Variants in POLL observed in about 807,000 individuals in gnomAD.
POLL encodes DNA polymerase beta-2.
POLL carries 44 observed loss-of-function variants against 58.1 expected under a neutral mutation model. That is an observed-to-expected ratio of 0.76 (90% confidence interval 0.60 to 0.97). The LOEUF is 0.97. POLL is among the 50% of genes least tolerant of loss of function. The pLI, the probability that POLL is intolerant of heterozygous loss-of-function variation, is 0.00. For missense variants in POLL, 632 were observed against 736.8 expected (o/e 0.86, Z 1.65); for synonymous variants, 290 against 283.2 (o/e 1.02, Z -0.24).
At position 101,579,267 on chromosome 10, in the gene POLL, G is replaced by C; in HGVS notation, c.*186C>G. The C allele has an allele frequency of 1.5e-6, 1 of 651,276 alleles. No individual in the cohort carries two copies. The allele number at this position is 651,276 out of a possible 1,614,324, so 40.3% of individuals were successfully genotyped here. A position where few individuals can be genotyped will look rare whatever the true frequency, so the allele number is the denominator to read the frequency against. ...TCTGGGAGAGGGCTGGGCAGACACT[G>C]GGAGCCGGGCAGACACTGGGAGCCG... On this transcript the variant is annotated 3_prime_UTR_variant, in exon 9 of 9. Coordinates refer to ENST00000370162, the MANE Select transcript of POLL (RefSeq NM_001174084.2). The surrounding 1 kb of genome is among the most constrained non-coding windows in gnomAD (Gnocchi z 4.4).
intron 1 of POLL, 74 bp from the exon 2 acceptor site, chr10:101,587,480 T>G (rs1360329214): frequency 1.3e-6 from 2 of 1,518,608 alleles, no homozygotes; most frequent in Non-Finnish European, 1.8e-6. Context: ...CTGACCAGGC[T>G]TTGGGGGTAG....
chr10:101,582,507 T>C (rs2134604751), intron 7 of POLL, among the ~76,000 whole-genome samples: 1 of 152,310 alleles, frequency 6.6e-6, no homozygotes, highest in East Asian at 1.9e-4. Flanking sequence ...TAGAATTGAA[T>C]CCAATCCTAA....
Position 101,580,223 on chromosome 10 carries a change from G to C in POLL, c.1363+25C>G. On this transcript the variant is annotated intron_variant, in intron 8 of 8. Transcript: ENST00000370162. The surrounding 1 kb of genome is among the most constrained non-coding windows in gnomAD (Gnocchi z 4.1). ...GACCTGTGCTGCCCTCTGTCAACCT[G>C]CTCACCCAGAGATGGAGCTTATACC... 1 of 1,598,018 alleles carries C rather than the reference G, an allele frequency of 6.3e-7. No individual in the cohort carries two copies. Among genetic ancestry groups the C allele is most frequent in the Non-Finnish European group, 8.5e-7 (1 of 1,170,498 alleles).
chr10:101,585,256 C>G, intron 4 of POLL, 60 bp downstream of exon 4: 1 of 1,429,022 alleles, frequency 7.0e-7, no homozygotes, highest in Non-Finnish European at 9.4e-7. Flanking sequence ...CCAGGCCCAC[C>G]CCATTTCTGT....
chr10:101,582,365 G>C (rs2063046396), intron 7 of POLL: 1 of 170,220 alleles, frequency 5.9e-6, no homozygotes, highest in Admixed American at 5.6e-5. Context: ...TCTCAAAGAA[G>C]TTGGTGAAAT....
chr10:101,580,213 C>T lies in POLL; in HGVS notation c.1363+35G>A. On this transcript the variant is annotated intron_variant, in intron 8 of 8. Coordinates refer to ENST00000370162, the MANE Select transcript of POLL (RefSeq NM_001174084.2). This position sits in a 1 kb window ranked among gnomAD's most constrained non-coding sequence, Gnocchi z 4.1. ...GGGGCCCCCAGACCTGTGCTGCCCT[C>T]TGTCAACCTGCTCACCCAGAGATGG... 1 of 1,589,260 alleles carries T rather than the reference C, an allele frequency of 6.3e-7. No individual in the cohort carries two copies. Among genetic ancestry groups the T allele is most frequent in the Non-Finnish European group, 8.6e-7 (1 of 1,165,682 alleles).
rs1470358937 is a variant in POLL at position 101,579,831 on chromosome 10, G to T, written c.1364-14C>A. On this transcript the variant is annotated splice_polypyrimidine_tract_variant and intron_variant, in intron 8 of 8. Coordinates refer to ENST00000370162, the MANE Select transcript of POLL (RefSeq NM_001174084.2). This position sits in a 1 kb window ranked among gnomAD's most constrained non-coding sequence, Gnocchi z 4.4. ...CTGTGAGGAACCCTGGCCCAACAGAGGGGACTGCTGGGAGGGCAGGGAACC... is the reference window on the plus strand; with the variant it reads ...CTGTGAGGAACCCTGGCCCAACAGATGGGACTGCTGGGAGGGCAGGGAACC... 1.8e-5 allele frequency: 29 copies of T among 1,603,988 alleles called. No individual in the cohort carries two copies. Among genetic ancestry groups the T allele is most frequent in the Non-Finnish European group, 2.5e-5 (29 of 1,174,560 alleles).
chr10:101,586,786 C>T lies in POLL; in HGVS notation c.115+460G>A, dbSNP rs576285084. 1.2e-4 allele frequency among the ~76,000 whole-genome samples: 18 copies of T among 152,314 alleles called. No homozygotes were observed. The South Asian group carries it at 1.7e-3, about 14-fold the overall frequency. On this transcript the variant is annotated intron_variant, in intron 2 of 8. Transcript: ENST00000370162. ...CTGAGATTACAGGCAAGAGCCACCG[C>T]GCCCAGCCTCTCTCCATACTTTGAA...
Position 101,587,991 on chromosome 10 carries a change from C to A in POLL, c.-216G>T. On this transcript the variant is annotated 5_prime_UTR_variant, in exon 1 of 9. Coordinates refer to ENST00000370162, the MANE Select transcript of POLL (RefSeq NM_001174084.2). ...GGGAGCCCTCCGGGAATGGAGGAGT[C>A]TCGCAGCTGCGGGTGAAGTCCCGGG... is the stretch of plus-strand genomic sequence containing the variant. 7.6e-7 allele frequency: 1 copy of A among 1,309,898 alleles called. No homozygotes were observed. Among genetic ancestry groups the A allele is most frequent in the Non-Finnish European group, 1.0e-6 (1 of 1,003,962 alleles). 81.1% of individuals were successfully genotyped at this position (1,309,898 alleles called of 1,614,324 possible). A position where few individuals can be genotyped will look rare whatever the true frequency, so the allele number is the denominator to read the frequency against.
At chr10:101,587,444 CT>C (rs1188121224) in intron 1 of POLL, 38 bp from the exon 2 acceptor site, 1 of 1,560,648 alleles carries the variant, frequency 6.4e-7, no homozygotes, top group Admixed American at 1.7e-5. Flanking sequence ...CCTCCAACCC[CT>C]TTGCCTATGG....
Position 101,583,731 on chromosome 10 carries a change from A to G in POLL, c.892-50T>C, listed in dbSNP as rs1172583209. On this transcript the variant is annotated intron_variant, in intron 5 of 8. Coordinates refer to ENST00000370162, the MANE Select transcript of POLL (RefSeq NM_001174084.2). ...AGAAAGAAGAGTGAGGAGATGGAAG[A>G]GGTAGAGCCAGTGGAAAGGAAGCTG... 3.2e-6 allele frequency: 5 copies of G among 1,550,602 alleles called. No homozygotes were observed. In the African/African-American group the frequency reaches 6.8e-5, roughly 21 times the overall value.
rs1462315373 is a variant in POLL, at chr10:101,583,308, A to G, written c.1065+200T>C. 5 of 608,390 alleles carry G rather than the reference A, an allele frequency of 8.2e-6. No homozygotes were observed. The Admixed American group carries it at 1.5e-4, about 18-fold the overall frequency. 37.7% of individuals were successfully genotyped at this position (608,390 alleles called of 1,614,324 possible). On this transcript the variant is annotated intron_variant, in intron 6 of 8. Coordinates refer to ENST00000370162, the MANE Select transcript of POLL (RefSeq NM_001174084.2). ...TCTTGTCCCTGTCTACTCCTTCTTA[A>G]GGATACCAAGCAACAAGGCTGTTCT... is the stretch of plus-strand genomic sequence containing the variant.
chr10:101,582,650 C>T, intron 7 of POLL, 113 bp downstream of exon 7: 2 of 1,106,254 alleles, frequency 1.8e-6, no homozygotes, highest in Non-Finnish European at 2.7e-6. Flanking sequence ...TGGTGATCCA[C>T]AGTTTCCTCT....
At chr10:101,581,530 A>G (rs2062987481) in intron 7 of POLL, 1 of 152,248 alleles carries the variant, frequency 6.6e-6, no homozygotes, top group East Asian at 1.9e-4. Flanking sequence ...AAACTAGGCC[A>G]GTCTCCATGG....
chr10:101,580,490 C>T lies in POLL; in HGVS notation c.1195-74G>A, dbSNP rs2062926955. 1.3e-5 allele frequency: 18 copies of T among 1,383,542 alleles called. No homozygotes were observed. The highest frequency in any genetic ancestry group is 1.8e-5 in the Non-Finnish European group (18 of 994,790). The allele number at this position is 1,383,542 out of a possible 1,614,324, so 85.7% of individuals were successfully genotyped here. ...TCTCCCACAGCAGTACAAGGGCCTT[C>T]CCAGACTCGGGCCCACACCCTCAGC... On this transcript the variant is annotated intron_variant, in intron 7 of 8. Coordinates refer to ENST00000370162, the MANE Select transcript of POLL (RefSeq NM_001174084.2). This position sits in a 1 kb window ranked among gnomAD's most constrained non-coding sequence, Gnocchi z 4.1.
Position 101,587,994 on chromosome 10 carries a change from G to A in POLL, c.-219C>T, listed in dbSNP as rs562381845. The A allele has an allele frequency of 6.7e-5, 88 of 1,313,404 alleles. No homozygotes were observed. Among genetic ancestry groups the A allele is most frequent in the Non-Finnish European group, 8.5e-5 (86 of 1,006,052 alleles). The allele number at this position is 1,313,404 out of a possible 1,614,324, so 81.4% of individuals were successfully genotyped here. A position where few individuals can be genotyped will look rare whatever the true frequency, so the allele number is the denominator to read the frequency against. ...AGCCCTCCGGGAATGGAGGAGTCTC[G>A]CAGCTGCGGGTGAAGTCCCGGGCAG... On this transcript the variant is annotated 5_prime_UTR_variant, in exon 1 of 9. Transcript: ENST00000370162.
At chr10:101,582,489 A>G (rs1054946283) in intron 7 of POLL, among the ~76,000 whole-genome samples, 7 of 152,194 alleles carry the variant, frequency 4.6e-5, no homozygotes, top group Admixed American at 3.3e-4. Flanking sequence ...TCCTAACACC[A>G]ATCAGTCTAG....
chr10:101,582,842 T>G lies in POLL; in HGVS notation c.1115A>C (p.Gln372Pro), dbSNP rs1289289154. The part of the protein sequence containing the change: ...DIRSQASLTT[Q>P]QAIGLKHYSD... Reference sequence around the variant, plus strand: ...GTAATGCTTCAGGCCGATGGCCTGCTGGGTTGTCAGGGAGGCCTGGCTGCG... The same window carrying G: ...GTAATGCTTCAGGCCGATGGCCTGCGGGGTTGTCAGGGAGGCCTGGCTGCG... The change falls in exon 7 of 9, where the codon CAG becomes CCG. Residue 372 changes from glutamine to proline, a missense_variant. Coordinates refer to ENST00000370162, the MANE Select transcript of POLL (RefSeq NM_001174084.2). 1 of 1,613,974 alleles carries G rather than the reference T, an allele frequency of 6.2e-7. No individual in the cohort carries two copies. Among genetic ancestry groups the G allele is most frequent in the East Asian group, 2.2e-5 (1 of 44,904 alleles).
rs1233107970 is a variant in POLL at position 101,588,228 on chromosome 10, A to G, written c.-453T>C. The G allele has an allele frequency of 1.2e-5, 18 of 1,548,404 alleles. No individual in the cohort carries two copies. The African/African-American group carries it at 2.3e-4, about 20-fold the overall frequency. On this transcript the variant is annotated 5_prime_UTR_variant, in exon 1 of 9. Transcript: ENST00000370162. ...CCAGCAGAGCCAATGAGAGCGGACGAAGGGGGGAAGGAGGGCAAATGGCCA... is the reference window on the plus strand; with the variant it reads ...CCAGCAGAGCCAATGAGAGCGGACGGAGGGGGGAAGGAGGGCAAATGGCCA...
Sources: gnomAD v4.1 joint callset for allele counts (sites outside exome capture counted in the v4.1 genomes callset) on GRCh38, gnomAD v4.1.1 for gene constraint, Gnocchi (gnomAD v3.1) non-coding constraint, MANE v1.5 for transcripts, NCBI Gene and HGNC (gene_info 2026-07-23, HGNC 2026-07-21) for gene names.